Variants in CCSER1 observed in about 807,000 individuals in gnomAD.
CCSER1 encodes coiled-coil serine rich protein 1.
A neutral mutation model predicts 82.0 loss-of-function variants in CCSER1; 41 were observed. The observed-to-expected ratio is 0.50, with a 90% CI of 0.39 to 0.65. The LOEUF is 0.65. Ranked by LOEUF, CCSER1 falls within the 30% of genes least tolerant of loss-of-function variation. The pLI, the probability that CCSER1 is intolerant of heterozygous loss-of-function variation, is 0.00. For synonymous variants in CCSER1, 414 were observed against 383.9 expected (o/e 1.08, Z -0.92); for missense variants, 1,119 against 1,064.2 (o/e 1.05, Z -0.72).
At chr4:91,460,947 T>TA (rs562782843) in intron 10 of CCSER1, among the ~76,000 whole-genome samples, 8 of 152,078 alleles carry the variant, frequency 5.3e-5, no homozygotes, top group Non-Finnish European at 7.4e-5. Flanking sequence ...CCTCAAAGGA[T>TA]AAAAAAAATC....
chr4:91,359,156 G>C (rs1749080894), intron 10 of CCSER1, among the ~76,000 whole-genome samples: 1 of 149,742 alleles, frequency 6.7e-6, no homozygotes, highest in Non-Finnish European at 1.5e-5. Context: ...CAGGTGGTAT[G>C]TGACAGGGGC....
intron 10 of CCSER1, among the ~76,000 whole-genome samples, chr4:91,476,725 A>G (rs780427169): frequency 2.2e-4 from 33 of 151,748 alleles, no homozygotes; most frequent in Non-Finnish European, 1.2e-4. Context: ...CAAATAGAAC[A>G]GAATAATAGA....
rs144570490 is a variant in CCSER1 at position 90,798,976 on chromosome 4, G to A, written c.2011-16786G>A. Among the ~76,000 whole-genome samples, 73 of 152,302 alleles carry A rather than the reference G, an allele frequency of 4.8e-4. 1 individual carries two copies. In the East Asian group the frequency reaches 0.012, roughly 24 times the overall value. ...TGCAGTAACAGTAGGATCAGTCCTC[G>A]TTCTCACGTGCTAGCAGCAACAGTA... On this transcript the variant is annotated intron_variant, in intron 7 of 10. Coordinates refer to ENST00000509176, the MANE Select transcript of CCSER1 (RefSeq NM_001145065.2).
At chr4:91,345,536 G>A (rs1747997556) in intron 10 of CCSER1, among the ~76,000 whole-genome samples, 1 of 148,276 alleles carries the variant, frequency 6.7e-6, no homozygotes, top group Admixed American at 6.6e-5. Context: ...TTTATTTTTT[G>A]TGTAGTTATA....
chr4:90,235,187 C>G (rs896075940), intron 1 of CCSER1: 3 of 152,668 alleles, frequency 2.0e-5, no homozygotes, highest in Non-Finnish European at 2.9e-5. Context: ...CTGCTGCTGC[C>G]AGTGCCAATT....
intron 8 of CCSER1, among the ~76,000 whole-genome samples, chr4:90,894,596 T>C (rs1373353501): frequency 6.6e-6 from 1 of 151,978 alleles, no homozygotes; most frequent in East Asian, 1.9e-4. Flanking sequence ...CCTCCCCTTT[T>C]TTGTCTTCTT....
At chr4:90,514,784 C>A (rs932691948) in intron 5 of CCSER1, among the ~76,000 whole-genome samples, 1 of 151,636 alleles carries the variant, frequency 6.6e-6, no homozygotes, top group South Asian at 2.1e-4. Context: ...ATATTTTAAA[C>A]CTTTATAATA....
At chr4:90,738,320 C>G (rs1349362902) in intron 7 of CCSER1, among the ~76,000 whole-genome samples, 1 of 152,154 alleles carries the variant, frequency 6.6e-6, no homozygotes, top group African/African-American at 2.4e-5. Context: ...GCAGCCATAT[C>G]TGCATTAGAG....
chr4:91,188,773 A>G (rs928471506), intron 10 of CCSER1, among the ~76,000 whole-genome samples: 1 of 152,148 alleles, frequency 6.6e-6, no homozygotes, highest in African/African-American at 2.4e-5. Context: ...CAAGCATTAT[A>G]CTCATACTGA....
chr4:91,286,283 T>C (rs1435266400), intron 10 of CCSER1, among the ~76,000 whole-genome samples: 3 of 151,830 alleles, frequency 2.0e-5, no homozygotes, highest in African/African-American at 7.2e-5. Context: ...CAAATATGCA[T>C]TTATTTGTTG....
At chr4:90,295,556 A>G (rs575187825) in intron 1 of CCSER1, among the ~76,000 whole-genome samples, 13 of 152,120 alleles carry the variant, frequency 8.5e-5, no homozygotes, top group Middle Eastern at 3.4e-3. Flanking sequence ...GAGTTTGAGT[A>G]TTTTAAATAT....
At chr4:90,339,752 G>C (rs1395923436) in intron 3 of CCSER1, among the ~76,000 whole-genome samples, 1 of 151,874 alleles carries the variant, frequency 6.6e-6, no homozygotes, top group African/African-American at 2.4e-5. Context: ...AGCAACTGCT[G>C]TTTTTTTAAT....
intron 10 of CCSER1, among the ~76,000 whole-genome samples, chr4:91,340,016 C>T (rs1271858805): frequency 6.6e-6 from 1 of 152,034 alleles, no homozygotes; most frequent in African/African-American, 2.4e-5. Flanking sequence ...ATTCAGTAGG[C>T]TGAGGCAGGA....
At chr4:91,444,496 C>A (rs568796474) in intron 10 of CCSER1, among the ~76,000 whole-genome samples, 2 of 151,760 alleles carry the variant, frequency 1.3e-5, no homozygotes, top group East Asian at 3.9e-4. Flanking sequence ...ATCACCCAGG[C>A]TGGAGTGCAA....
chr4:91,511,815 T>G (rs1759840664), intron 10 of CCSER1, among the ~76,000 whole-genome samples: 1 of 151,946 alleles, frequency 6.6e-6, no homozygotes, highest in Non-Finnish European at 1.5e-5. Context: ...TTATGGTGAG[T>G]TGTATAATTA....
intron 6 of CCSER1, among the ~76,000 whole-genome samples, chr4:90,695,980 A>T (rs1736931071): frequency 6.6e-6 from 1 of 152,102 alleles, no homozygotes; most frequent in Non-Finnish European, 1.5e-5. Context: ...ATTTTAAATA[A>T]AAATTTTTAA....
intron 10 of CCSER1, among the ~76,000 whole-genome samples, chr4:91,118,522 G>A (rs1158155496): frequency 6.6e-6 from 1 of 152,032 alleles, no homozygotes; most frequent in Non-Finnish European, 1.5e-5. Context: ...CATTCCTCCT[G>A]CCCTGGCCTC....
intron 10 of CCSER1, among the ~76,000 whole-genome samples, chr4:91,171,659 T>C (rs536511075): frequency 6.6e-6 from 1 of 152,290 alleles, no homozygotes; most frequent in African/African-American, 2.4e-5. Flanking sequence ...TTTTCATTCC[T>C]AGGAATATGA....
intron 9 of CCSER1, among the ~76,000 whole-genome samples, chr4:91,007,962 A>T: frequency 6.6e-6 from 1 of 152,076 alleles, no homozygotes; most frequent in East Asian, 1.9e-4. Flanking sequence ...TGTCTCTAAA[A>T]TTTTAAAATT....
Sources: allele counts gnomAD v4.1 joint callset (sites outside exome capture counted in the v4.1 genomes callset), GRCh38; gene constraint gnomAD v4.1.1; transcripts MANE v1.5; gene names NCBI Gene and HGNC (gene_info 2026-07-23, HGNC 2026-07-21).